The following ACBD5 variants were observed in gnomAD, a reference collection of about 807,000 sequenced individuals.
ACBD5 encodes the protein acyl-CoA-binding domain-containing protein 5.
In ACBD5, 40 loss-of-function variants were observed where a neutral mutation model predicts 71.8. The ratio of observed to expected loss-of-function variants is 0.56; its 90% CI spans 0.43 to 0.72. The LOEUF (loss-of-function observed/expected upper bound fraction) is 0.72, where lower values mean the gene tolerates loss of function less well. ACBD5 is among the 30% of genes least tolerant of loss of function. The pLI, the probability that ACBD5 is intolerant of heterozygous loss-of-function variation, is 0.00. For synonymous variants in ACBD5, 229 were observed against 218.6 expected, an observed-to-expected ratio of 1.05 and a Z score of -0.42; for missense variants, 559 against 644.5, an observed-to-expected ratio of 0.87 and a Z score of 1.44.
intron 10 of ACBD5, among the ~76,000 whole-genome samples, chr10:27,207,005 C>A (rs917729080): frequency 6.6e-6 from 1 of 151,456 alleles, no homozygotes; most frequent in South Asian, 2.1e-4. Flanking sequence ...AGGCCGGGCA[C>A]GGTGGCTCAC....
intron 7 of ACBD5, among the ~76,000 whole-genome samples, chr10:27,216,127 G>C (rs565156908): frequency 6.7e-6 from 1 of 150,244 alleles, no homozygotes; most frequent in East Asian, 2.0e-4. Context: ...ACCCACCTTG[G>C]CCTCCCAAAA....
intron 12 of ACBD5, among the ~76,000 whole-genome samples, chr10:27,197,836 G>A (rs1038894288): frequency 3.9e-5 from 6 of 152,192 alleles, no homozygotes; most frequent in East Asian, 1.9e-4. Context: ...TAATAGAGAC[G>A]AGGTTTCGCC....
chr10:27,205,719 T>C (rs1164027290), intron 10 of ACBD5, among the ~76,000 whole-genome samples: 1 of 151,386 alleles, frequency 6.6e-6, no homozygotes, highest in Non-Finnish European at 1.5e-5. Context: ...GGTGGCACCA[T>C]AGTTGTCACT....
At chr10:27,186,044 G>A (rs745636773) in intron 13 of ACBD5, among the ~76,000 whole-genome samples, 54 of 152,252 alleles carry the variant, frequency 3.5e-4, no homozygotes, top group Non-Finnish European at 7.5e-4. Flanking sequence ...AGCAGAGATC[G>A]CGCCACTGCA....
At chr10:27,217,865 C>T (rs2061845970) in intron 7 of ACBD5, 115 bp downstream of exon 7, 4 of 978,582 alleles carry the variant, frequency 4.1e-6, no homozygotes, top group Non-Finnish European at 6.2e-6. Context: ...TTAATAAGCC[C>T]TAAGATATTA....
chr10:27,195,561 T>C lies in ACBD5; in HGVS notation c.*1869A>G, dbSNP rs754720743. 2.2e-6 allele frequency: 1 copy of C among 450,454 alleles called. No individual in the cohort carries two copies. Among genetic ancestry groups the C allele is most frequent in the South Asian group, 1.6e-5 (1 of 63,204 alleles). 27.9% of individuals were successfully genotyped at this position (450,454 alleles called of 1,614,324 possible). ...TTTTTACTGATACCAAATTGATATC[T>C]CATTTTTGAAAATAATCTTTGATCC... is the stretch of plus-strand genomic sequence containing the variant. On this transcript the variant is annotated 3_prime_UTR_variant, in exon 13 of 13. Transcript: ENST00000396271.
At chr10:27,211,562 G>A (rs373378717) in intron 8 of ACBD5, among the ~76,000 whole-genome samples, 22 of 152,138 alleles carry the variant, frequency 1.4e-4, no homozygotes, top group African/African-American at 5.3e-4. Context: ...CTCATGATCC[G>A]CCCACCTCGG....
chr10:27,220,821 A>G (rs148675348), intron 5 of ACBD5, among the ~76,000 whole-genome samples: 88 of 152,326 alleles, frequency 5.8e-4, no homozygotes, highest in African/African-American at 1.9e-3. Context: ...GAAAATGGCA[A>G]TGTAAAACTG....
intron 2 of ACBD5, among the ~76,000 whole-genome samples, chr10:27,237,232 C>A (rs1056131110): frequency 6.6e-6 from 1 of 151,976 alleles, no homozygotes; most frequent in Non-Finnish European, 1.5e-5. Context: ...ATACAAAAAC[C>A]GAGAACATTT....
chr10:27,225,628 G>GT (rs2062921310), intron 4 of ACBD5, among the ~76,000 whole-genome samples: 3 of 152,162 alleles, frequency 2.0e-5, no homozygotes, highest in Non-Finnish European at 4.4e-5. Flanking sequence ...GTGGAGGAAT[G>GT]TTTTATTATT....
chr10:27,187,342 C>A (rs769286317), intron 13 of ACBD5, among the ~76,000 whole-genome samples: 12 of 151,998 alleles, frequency 7.9e-5, no homozygotes, highest in Non-Finnish European at 1.6e-4. Context: ...CTTAGTAACT[C>A]CTTTGGGGAA....
chr10:27,195,277 TA>T lies in ACBD5; in HGVS notation c.*2152del. 2.3e-6 allele frequency: 1 copy of T among 430,330 alleles called. No homozygotes were observed. The highest frequency in any genetic ancestry group is 4.5e-6 in the Non-Finnish European group (1 of 220,368). The allele number at this position is 430,330 out of a possible 1,614,324, so 26.7% of individuals were successfully genotyped here. On this transcript the variant is annotated 3_prime_UTR_variant, in exon 13 of 13. Transcript: ENST00000396271. ...CAATAAACAGAAAAGAAGTTATCATTAAAAAAATACCATAGCTGTCAAGTTT... is the reference window on the plus strand; with the variant it reads ...CAATAAACAGAAAAGAAGTTATCATTAAAAAATACCATAGCTGTCAAGTTT...
downstream of ACBD5, among the ~76,000 whole-genome samples, chr10:27,194,255 TAA>T (rs58311546): frequency 5.6e-3 from 773 of 137,016 alleles, 5 homozygotes; most frequent in African/African-American, 0.014. Flanking sequence ...CCGTCTCAAT[TAA>T]AAAAAAAAAA....
At chr10:27,204,832 CAT>C (rs1589033413) in intron 11 of ACBD5, among the ~76,000 whole-genome samples, 1 of 152,256 alleles carries the variant, frequency 6.6e-6, no homozygotes, top group East Asian at 1.9e-4. Context: ...TGTATTGTAA[CAT>C]ATGAAACCAT....
At chr10:27,224,931 T>C (rs1279606565) in intron 4 of ACBD5, among the ~76,000 whole-genome samples, 1 of 152,100 alleles carries the variant, frequency 6.6e-6, no homozygotes, top group Non-Finnish European at 1.5e-5. Flanking sequence ...CTTGGGAGGC[T>C]GAGGCGAGAG....
intron 6 of ACBD5, among the ~76,000 whole-genome samples, chr10:27,218,731 G>A (rs1269073666): frequency 6.6e-6 from 1 of 151,472 alleles, no homozygotes; most frequent in Admixed American, 6.6e-5. Flanking sequence ...GATTACAGGC[G>A]CCCGCCACTA....
chr10:27,187,812 C>T (rs1215066403), intron 13 of ACBD5, among the ~76,000 whole-genome samples: 1 of 151,780 alleles, frequency 6.6e-6, no homozygotes, highest in Non-Finnish European at 1.5e-5. Flanking sequence ...ATTTGAATAG[C>T]TTGTTCAATT....
chr10:27,202,834 C>T (rs868016839), intron 12 of ACBD5, among the ~76,000 whole-genome samples: 87 of 152,168 alleles, frequency 5.7e-4, no homozygotes, highest in African/African-American at 2.0e-3. Context: ...ATCTAACAAA[C>T]GGTTGGTTCT....
chr10:27,200,971 A>T (rs1288029167), intron 12 of ACBD5, among the ~76,000 whole-genome samples: 1 of 144,672 alleles, frequency 6.9e-6, no homozygotes, highest in Non-Finnish European at 1.5e-5. Flanking sequence ...CAGGAGTTCA[A>T]GACTAGCCTG....
Sources: allele counts gnomAD v4.1 joint callset (sites outside exome capture counted in the v4.1 genomes callset), GRCh38; gene constraint gnomAD v4.1.1; transcripts MANE v1.5; gene names NCBI Gene and HGNC (gene_info 2026-07-23, HGNC 2026-07-21).